The following ECHDC1 variants were observed in gnomAD, a reference collection of about 807,000 sequenced individuals.
ECHDC1 encodes the protein ethylmalonyl-CoA decarboxylase 1.
In ECHDC1, 29 loss-of-function variants were observed where a neutral mutation model predicts 29.7. The observed-to-expected ratio is 0.98, with a 90% CI of 0.73 to 1.33. The LOEUF (loss-of-function observed/expected upper bound fraction) is 1.33, where lower values mean the gene tolerates loss of function less well. ECHDC1 is among the 40% of genes most tolerant of loss of function. The pLI is 0.00. For missense variants in ECHDC1, 328 were observed against 350.0 expected (o/e 0.94, Z 0.50); for synonymous variants, 126 against 123.1 (o/e 1.02, Z -0.15).
At chr6:127,301,526 A>C (rs905350736) in intron 5 of ECHDC1, among the ~76,000 whole-genome samples, 1 of 152,218 alleles carries the variant, frequency 6.6e-6, no homozygotes, top group Non-Finnish European at 1.5e-5. Context: ...CTTAGGAAAT[A>C]ATTAAAATAA....
At chr6:127,319,666 C>T (rs1006113726) in intron 3 of ECHDC1, among the ~76,000 whole-genome samples, 1 of 152,094 alleles carries the variant, frequency 6.6e-6, no homozygotes, top group African/African-American at 2.4e-5. Context: ...GGGTGAGGAA[C>T]CAGTAAAAAG....
intron 5 of ECHDC1, among the ~76,000 whole-genome samples, chr6:127,303,516 C>G (rs1202969784): frequency 6.6e-6 from 1 of 152,180 alleles, no homozygotes; most frequent in African/African-American, 2.4e-5. Context: ...GGCTCTAACT[C>G]TCTTCAACAC....
At chr6:127,298,292 A>G (rs1780777876) in intron 5 of ECHDC1, among the ~76,000 whole-genome samples, 1 of 151,228 alleles carries the variant, frequency 6.6e-6, no homozygotes, top group African/African-American at 2.4e-5. Context: ...ATAGTAAAAT[A>G]TTAAATATTA....
At chr6:127,297,789 G>A (rs1407936122) in intron 5 of ECHDC1, among the ~76,000 whole-genome samples, 1 of 152,162 alleles carries the variant, frequency 6.6e-6, no homozygotes, top group East Asian at 1.9e-4. Context: ...AATAGCTACA[G>A]AGATGAGGGG....
chr6:127,333,666 T>TACACACACACACACACAC (rs10523734), intron 1 of ECHDC1, among the ~76,000 whole-genome samples: 6 of 128,038 alleles, frequency 4.7e-5, no homozygotes, highest in Admixed American at 2.3e-4. Flanking sequence ...CTCTTTCTCT[T>TACACACACACACACACAC]ACACACACAC....
At chr6:127,331,604 A>G (rs1039060113) in intron 1 of ECHDC1, among the ~76,000 whole-genome samples, 2 of 152,208 alleles carry the variant, frequency 1.3e-5, no homozygotes, top group Non-Finnish European at 2.9e-5. Flanking sequence ...CTGTGCTCCA[A>G]TACAATAGGA....
At chr6:127,304,964 G>A (rs1582946313) in intron 5 of ECHDC1, among the ~76,000 whole-genome samples, 2 of 152,272 alleles carry the variant, frequency 1.3e-5, no homozygotes, top group Middle Eastern at 6.8e-3. Flanking sequence ...TAAAGAAGAG[G>A]TAGAGCAAGA....
At chr6:127,338,284 G>T (rs941521342) in intron 1 of ECHDC1, among the ~76,000 whole-genome samples, 2 of 152,130 alleles carry the variant, frequency 1.3e-5, no homozygotes, top group African/African-American at 2.4e-5. Flanking sequence ...TTTCAGTTTT[G>T]TCAGAGAAAC....
Position 127,289,835 on chromosome 6 carries a change from G to T in ECHDC1, c.*34C>A. 1 of 1,559,560 alleles carries T rather than the reference G, an allele frequency of 6.4e-7. No homozygotes were observed. ...ACATTTATACATATTAGTCACTGGAGCTTTACTTGGAGTACATCCACACGA... is the reference window on the plus strand; with the variant it reads ...ACATTTATACATATTAGTCACTGGATCTTTACTTGGAGTACATCCACACGA... On this transcript the variant is annotated 3_prime_UTR_variant, in exon 6 of 6. Transcript: ENST00000454859.
At chr6:127,337,337 A>C (rs1317808388) in intron 1 of ECHDC1, among the ~76,000 whole-genome samples, 1 of 152,152 alleles carries the variant, frequency 6.6e-6, no homozygotes, top group African/African-American at 2.4e-5. Context: ...GCTCTCTCTG[A>C]AGTCTGCTGA....
intron 5 of ECHDC1, among the ~76,000 whole-genome samples, chr6:127,311,642 C>A (rs193181834): frequency 3.7e-4 from 48 of 128,262 alleles, no homozygotes; most frequent in Non-Finnish European, 6.4e-4. Flanking sequence ...CCATTGCACT[C>A]CAGCCTGGGT....
At chr6:127,339,286 C>T (rs886297322) in intron 1 of ECHDC1, among the ~76,000 whole-genome samples, 6 of 148,216 alleles carry the variant, frequency 4.0e-5, no homozygotes, top group Admixed American at 6.8e-5. Context: ...AAGGTACATA[C>T]GAGATAAGCT....
intron 5 of ECHDC1, among the ~76,000 whole-genome samples, chr6:127,311,065 C>T (rs995726672): frequency 1.3e-5 from 2 of 152,182 alleles, no homozygotes; most frequent in South Asian, 2.1e-4. Context: ...AACTTATATA[C>T]GCACTGGGAA....
At chr6:127,315,581 C>T in intron 4 of ECHDC1, 1 of 223,180 alleles carries the variant, frequency 4.5e-6, no homozygotes, top group Non-Finnish European at 9.1e-6. Flanking sequence ...TGCAAAGGTG[C>T]AGGTCTAAAG....
At chr6:127,325,733 C>T (rs1046757140) in intron 3 of ECHDC1, among the ~76,000 whole-genome samples, 8 of 151,976 alleles carry the variant, frequency 5.3e-5, no homozygotes, top group Non-Finnish European at 1.0e-4. Flanking sequence ...CAGGGTCTCA[C>T]TCTGTCACCC....
chr6:127,327,018 G>A lies in ECHDC1; in HGVS notation c.347C>T (p.Ser116Leu). ...AACACTTGCCTCTGGAGTTCCTAGTGATTTCACAGCATTCAGATCAGATCC... is the reference window on the plus strand; with the variant it reads ...AACACTTGCCTCTGGAGTTCCTAGTAATTTCACAGCATTCAGATCAGATCC... Reference protein sequence around the residue: ...SSGSDLNAVKSLGTPEDGMAV... With the variant: ...SSGSDLNAVKLLGTPEDGMAV... Residue 116 changes from serine to leucine, a missense_variant, in exon 3 of 6, where the codon TCA becomes TTA. Physicochemically the swap from Ser to Leu is moderately radical, Grantham distance 145. Transcript: ENST00000454859. The A allele has an allele frequency of 6.2e-7, 1 of 1,613,604 alleles. No individual in the cohort carries two copies. The highest frequency in any genetic ancestry group is 8.5e-7 in the Non-Finnish European group (1 of 1,179,780).
intron 5 of ECHDC1, among the ~76,000 whole-genome samples, chr6:127,305,669 GT>G (rs1394115065): frequency 2.1e-4 from 32 of 152,080 alleles, no homozygotes; most frequent in Admixed American, 2.1e-3. Context: ...AAGGCATAAA[GT>G]TTTTATTATT....
At chr6:127,317,425 G>A (rs1163092982) in intron 3 of ECHDC1, among the ~76,000 whole-genome samples, 5 of 151,866 alleles carry the variant, frequency 3.3e-5, no homozygotes, top group East Asian at 1.9e-4. Context: ...AACTCAGCAC[G>A]GCAAAACCAA....
chr6:127,297,731 G>C (rs979345984), intron 5 of ECHDC1, among the ~76,000 whole-genome samples: 1 of 152,138 alleles, frequency 6.6e-6, no homozygotes, highest in Non-Finnish European at 1.5e-5. Flanking sequence ...TTCACTTTGT[G>C]CTTACCCAAG....
Sources: gnomAD v4.1 joint callset for allele counts (sites outside exome capture counted in the v4.1 genomes callset) on GRCh38, gnomAD v4.1.1 for gene constraint, MANE v1.5 for transcripts, NCBI Gene and HGNC (gene_info 2026-07-23, HGNC 2026-07-21) for gene names.